The following MYO1B variants were observed in gnomAD, a reference collection of about 807,000 sequenced individuals.
MYO1B encodes the protein unconventional myosin-Ib.
In MYO1B, 72 loss-of-function variants were observed where a neutral mutation model predicts 159.7. That is an observed-to-expected ratio of 0.45 (90% CI 0.37 to 0.55). The LOEUF is 0.55. Ranked by LOEUF, MYO1B falls within the 20% of genes least tolerant of loss-of-function variation. The pLI is 0.00. For missense variants in MYO1B, 1,062 were observed against 1,364.8 expected (o/e 0.78, Z 3.50); for synonymous variants, 468 against 473.8 (o/e 0.99, Z 0.16).
intron 24 of MYO1B, among the ~76,000 whole-genome samples, chr2:191,403,465 A>G (rs937980835): frequency 2.0e-5 from 3 of 152,210 alleles, no homozygotes; most frequent in African/African-American, 4.8e-5. Context: ...ATTAGTCACC[A>G]TAGGAAGCCA....
chr2:191,384,392 T>G (rs1470281709), intron 15 of MYO1B, among the ~76,000 whole-genome samples: 1 of 152,234 alleles, frequency 6.6e-6, no homozygotes, highest in Admixed American at 6.5e-5. Flanking sequence ...CTACTCATCT[T>G]TTACAAAGCT....
At chr2:191,339,441 A>G (rs942951425) in intron 4 of MYO1B, among the ~76,000 whole-genome samples, 1 of 152,230 alleles carries the variant, frequency 6.6e-6, no homozygotes, top group East Asian at 1.9e-4. Flanking sequence ...CATGAGAATA[A>G]TGGAAAATGT....
intron 3 of MYO1B, among the ~76,000 whole-genome samples, chr2:191,311,958 TTAACA>T (rs1474330836): frequency 2.6e-5 from 4 of 152,254 alleles, no homozygotes; most frequent in East Asian, 1.9e-4. Flanking sequence ...TTTCCGTAAC[TTAACA>T]TAACTTTTAT....
chr2:191,328,250 T>C (rs1691232880), intron 3 of MYO1B, among the ~76,000 whole-genome samples: 1 of 152,234 alleles, frequency 6.6e-6, no homozygotes, highest in Non-Finnish European at 1.5e-5. Context: ...TCATTATTTA[T>C]GGTTCCGTAT....
At chr2:191,302,737 A>G (rs1262710639) in intron 3 of MYO1B, among the ~76,000 whole-genome samples, 2 of 152,254 alleles carry the variant, frequency 1.3e-5, no homozygotes, top group African/African-American at 4.8e-5. Flanking sequence ...TGCAGTCACA[A>G]GGTGAAGCAG....
intron 13 of MYO1B, among the ~76,000 whole-genome samples, chr2:191,378,788 G>A (rs1033661934): frequency 6.6e-6 from 1 of 152,160 alleles, no homozygotes; most frequent in Non-Finnish European, 1.5e-5. Context: ...AAGCGGGATT[G>A]GGGCAGTGTG....
rs762175060 is a variant in MYO1B, at chr2:191,313,192, C to CTTTTTTTTTTTTTTTTTTTTTTTTTT, written c.252-16733_252-16708dup. 7.0e-5 allele frequency among the ~76,000 whole-genome samples: 3 copies of CTTTTTTTTTTTTTTTTTTTTTTTTTT among 42,992 alleles called. 1 individual carries two copies. Among genetic ancestry groups the CTTTTTTTTTTTTTTTTTTTTTTTTTT allele is most frequent in the Non-Finnish European group, 1.1e-4 (3 of 26,754 alleles). The allele number at this position is 42,992 out of a possible 152,430, so 28.2% of individuals were successfully genotyped here. A position where few individuals can be genotyped will look rare whatever the true frequency, so the allele number is the denominator to read the frequency against. The stretch of plus-strand genomic sequence containing the variant: ...TAGTTATAATATCTGGCACACATGG[C>CTTTTTTTTTTTTTTTTTTTTTTTTTT]TTTTTTTTTTTTTTTTTTTTTTTTT... On this transcript the variant is annotated intron_variant, in intron 3 of 30. Coordinates refer to ENST00000392318, the MANE Select transcript of MYO1B (RefSeq NM_001130158.3).
intron 1 of MYO1B, among the ~76,000 whole-genome samples, chr2:191,259,212 A>G (rs189886148): frequency 1.9e-4 from 29 of 152,308 alleles, no homozygotes; most frequent in East Asian, 5.8e-4. Flanking sequence ...GAATTAATCA[A>G]TTTTGAAGAT....
intron 13 of MYO1B, among the ~76,000 whole-genome samples, chr2:191,378,423 T>A (rs1459073220): frequency 6.6e-6 from 1 of 151,972 alleles, no homozygotes; most frequent in African/African-American, 2.4e-5. Context: ...GGTGGTGGAG[T>A]TAAGAGCAAT....
In MYO1B at chr2:191,308,427, G is replaced by A. The variant is rs373809708; in HGVS notation, c.251+12201G>A. Among the ~76,000 whole-genome samples the A allele has an allele frequency of 1.5e-4, 23 of 152,252 alleles. No homozygotes were observed. The East Asian group carries it at 2.5e-3, about 17-fold the overall frequency. On this transcript the variant is annotated intron_variant, in intron 3 of 30. Transcript: ENST00000392318. The stretch of plus-strand genomic sequence containing the variant: ...CAATTTTAGAAAGCTGAATTAGTAG[G>A]CCACCTTTTTCCAAGACATGTTTAA...
intron 1 of MYO1B, among the ~76,000 whole-genome samples, chr2:191,246,790 AAATG>A (rs1685818890): frequency 6.6e-6 from 1 of 152,200 alleles, no homozygotes; most frequent in Non-Finnish European, 1.5e-5. Flanking sequence ...TGCTATAAAT[AAATG>A]AATCAGACTA....
At chr2:191,407,599 T>C (rs1423158914) in intron 24 of MYO1B, 2 of 152,192 alleles carry the variant, frequency 1.3e-5, no homozygotes, top group African/African-American at 4.8e-5. Flanking sequence ...GTAGAGATGA[T>C]AGAGAAGAAT....
In MYO1B at chr2:191,414,511, A is replaced by T; in HGVS notation, c.3007-6A>T. 1 of 1,600,672 alleles carries T rather than the reference A, an allele frequency of 6.2e-7. No homozygotes were observed. Among genetic ancestry groups the T allele is most frequent in the Non-Finnish European group, 8.5e-7 (1 of 1,175,012 alleles). On this transcript the variant is annotated splice_polypyrimidine_tract_variant and splice_region_variant and intron_variant, in intron 28 of 30. Coordinates refer to ENST00000392318, the MANE Select transcript of MYO1B (RefSeq NM_001130158.3). ...TGGTTTTATACTATTTTTTATTTTG[A>T]TTTAGAGTACATCTCGGATTTTCCT...
At chr2:191,265,539 A>G (rs1559126163) in intron 1 of MYO1B, among the ~76,000 whole-genome samples, 1 of 152,134 alleles carries the variant, frequency 6.6e-6, no homozygotes, top group Non-Finnish European at 1.5e-5. Flanking sequence ...GCTATATTCA[A>G]TTCAGTAATC....
chr2:191,353,299 G>C (rs1281414736), intron 7 of MYO1B, among the ~76,000 whole-genome samples: 1 of 152,142 alleles, frequency 6.6e-6, no homozygotes, highest in African/African-American at 2.4e-5. Flanking sequence ...TGTATTTGGG[G>C]ATTTTGCATC....
intron 6 of MYO1B, among the ~76,000 whole-genome samples, chr2:191,347,604 C>G (rs1692650141): frequency 6.6e-6 from 1 of 152,162 alleles, no homozygotes; most frequent in African/African-American, 2.4e-5. Context: ...TAGTGAAAGG[C>G]TTGGCAGGTG....
chr2:191,392,660 A>G (rs1695828042), intron 19 of MYO1B, among the ~76,000 whole-genome samples: 1 of 152,208 alleles, frequency 6.6e-6, no homozygotes, highest in Non-Finnish European at 1.5e-5. Flanking sequence ...TTTGTCAATG[A>G]ATAGATGAGT....
intron 25 of MYO1B, 65 bp from the exon 26 acceptor site, chr2:191,408,979 T>C (rs1430923779): frequency 1.4e-6 from 2 of 1,468,882 alleles, no homozygotes; most frequent in African/African-American, 1.4e-5. Flanking sequence ...GATCATGATG[T>C]ATGTAAAACA....
rs567267921 is a variant in MYO1B, at chr2:191,255,246, G to A, written c.-10+9620G>A. 4.6e-5 allele frequency among the ~76,000 whole-genome samples: 7 copies of A among 152,278 alleles called. No individual in the cohort carries two copies. In the South Asian group the frequency reaches 8.3e-4, roughly 18 times the overall value. ...ACCCATCCTGTACTGAATCTTTAAT[G>A]TTGAACAAAACAGATGTGGTTTCTG... On this transcript the variant is annotated intron_variant, in intron 1 of 30. Transcript: ENST00000392318.
Sources: gnomAD v4.1 joint callset for allele counts (sites outside exome capture counted in the v4.1 genomes callset) on GRCh38, gnomAD v4.1.1 for gene constraint, MANE v1.5 for transcripts, NCBI Gene and HGNC (gene_info 2026-07-23, HGNC 2026-07-21) for gene names.